GAS2: variants seen among roughly 807,000 people sequenced by gnomAD.
GAS2 encodes the protein growth arrest-specific protein 2.
GAS2 carries 20 observed loss-of-function variants against 37.5 expected under a neutral mutation model. The ratio of observed to expected loss-of-function variants is 0.53; its 90% CI spans 0.37 to 0.77. GAS2 has a LOEUF of 0.77. Among genes scored for constraint, GAS2 ranks in the 30% least tolerant of loss-of-function variants. The probability of loss-of-function intolerance (pLI) is 0.00; values close to 1 mark genes in which losing one functional copy is unlikely to be tolerated. For missense variants in GAS2, 336 were observed against 373.4 expected (o/e 0.90, Z 0.82); for synonymous variants, 144 against 132.2 (o/e 1.09, Z -0.61).
chr11:22,661,449 A>T (rs1213549711), intron 1 of GAS2, among the ~76,000 whole-genome samples: 2 of 152,220 alleles, frequency 1.3e-5, no homozygotes, highest in Non-Finnish European at 2.9e-5. Flanking sequence ...CAATTTGGTA[A>T]GTGAGATAGA....
intron 1 of GAS2, among the ~76,000 whole-genome samples, chr11:22,649,400 C>T (rs915852538): frequency 7.9e-5 from 12 of 151,546 alleles, no homozygotes; most frequent in African/African-American, 2.4e-4. Context: ...TGTCTCTGCC[C>T]GGCTTTGGTA....
chr11:22,719,978 A>T (rs1851871165), intron 3 of GAS2, among the ~76,000 whole-genome samples: 1 of 152,018 alleles, frequency 6.6e-6, no homozygotes, highest in East Asian at 1.9e-4. Flanking sequence ...CCATCTTGTA[A>T]GCCTGAGGTT....
chr11:22,637,085 A>C (rs1159049391), intron 1 of GAS2, among the ~76,000 whole-genome samples: 1 of 131,912 alleles, frequency 7.6e-6, no homozygotes, highest in Non-Finnish European at 1.5e-5. Context: ...TATTAATATA[A>C]TAAGTAATAT....
chr11:22,652,716 A>C (rs540317806), intron 1 of GAS2, among the ~76,000 whole-genome samples: 2 of 152,280 alleles, frequency 1.3e-5, no homozygotes, highest in East Asian at 1.9e-4. Flanking sequence ...TTCTTTGACT[A>C]GGAAAGGGAA....
intron 7 of GAS2, among the ~76,000 whole-genome samples, chr11:22,765,188 ATATG>A: frequency 6.6e-6 from 1 of 152,184 alleles, no homozygotes. Flanking sequence ...GTGTGTGTAT[ATATG>A]TATGTATATA....
At chr11:22,646,435 T>TA (rs1211860468) in intron 1 of GAS2, among the ~76,000 whole-genome samples, 1 of 152,220 alleles carries the variant, frequency 6.6e-6, no homozygotes, top group Non-Finnish European at 1.5e-5. Context: ...ACACCAAATC[T>TA]AGCACTTGAG....
At chr11:22,774,236 G>A (rs757798137) in intron 7 of GAS2, among the ~76,000 whole-genome samples, 2 of 151,996 alleles carry the variant, frequency 1.3e-5, no homozygotes, top group Non-Finnish European at 2.9e-5. Flanking sequence ...TCAGGTGATC[G>A]GCCCGCCTCA....
chr11:22,746,255 C>T (rs1853396265), intron 5 of GAS2, among the ~76,000 whole-genome samples: 1 of 152,148 alleles, frequency 6.6e-6, no homozygotes, highest in African/African-American at 2.4e-5. Flanking sequence ...AAGACTTATA[C>T]ACTGTTGGTG....
chr11:22,664,048 T>C (rs1848947606), upstream of GAS2, among the ~76,000 whole-genome samples: 1 of 152,222 alleles, frequency 6.6e-6, no homozygotes, highest in South Asian at 2.1e-4. Context: ...CTGCTTTCTG[T>C]ATCATTATTC....
intron 3 of GAS2, among the ~76,000 whole-genome samples, chr11:22,697,840 T>C (rs1405299033): frequency 1.3e-5 from 2 of 152,200 alleles, no homozygotes; most frequent in African/African-American, 4.8e-5. Flanking sequence ...TAAGGAGATT[T>C]TGGGCTGAGA....
chr11:22,648,683 G>T (rs1462595738), intron 1 of GAS2, among the ~76,000 whole-genome samples: 1 of 152,152 alleles, frequency 6.6e-6, no homozygotes, highest in Non-Finnish European at 1.5e-5. Context: ...TCTCTTTGAA[G>T]CAATTGTGAA....
At chr11:22,773,036 T>C (rs1373955774) in intron 7 of GAS2, among the ~76,000 whole-genome samples, 1 of 152,114 alleles carries the variant, frequency 6.6e-6, no homozygotes, top group Non-Finnish European at 1.5e-5. Context: ...CTCAGGAAGT[T>C]CCAGTAGAGT....
At chr11:22,795,005 A>G (rs988107698) in intron 7 of GAS2, among the ~76,000 whole-genome samples, 2 of 152,148 alleles carry the variant, frequency 1.3e-5, no homozygotes, top group Non-Finnish European at 2.9e-5. Flanking sequence ...TTCAACATCT[A>G]TTATGAAACA....
intron 1 of GAS2, among the ~76,000 whole-genome samples, chr11:22,644,273 C>G (rs763540568): frequency 7.2e-5 from 11 of 152,118 alleles, no homozygotes; most frequent in Non-Finnish European, 1.3e-4. Flanking sequence ...TGTCAAGGAG[C>G]ATTTTCCCCA....
intron 6 of GAS2, among the ~76,000 whole-genome samples, chr11:22,755,240 C>T (rs1853960966): frequency 6.6e-6 from 1 of 151,832 alleles, no homozygotes; most frequent in African/African-American, 2.4e-5. Context: ...AAAACATGGT[C>T]AAAGAAGTAG....
intron 7 of GAS2, among the ~76,000 whole-genome samples, chr11:22,779,695 G>A (rs759708548): frequency 6.3e-5 from 8 of 127,110 alleles, no homozygotes; most frequent in East Asian, 2.4e-4. Flanking sequence ...GTGAAACTCC[G>A]TGTCAAAAAA....
intron 7 of GAS2, among the ~76,000 whole-genome samples, chr11:22,782,579 A>G (rs188495600): frequency 6.6e-6 from 1 of 151,988 alleles, no homozygotes; most frequent in East Asian, 1.9e-4. Flanking sequence ...CCCCTCTAGT[A>G]GTCCCCAGTG....
intron 3 of GAS2, among the ~76,000 whole-genome samples, chr11:22,699,587 G>T (rs988635872): frequency 4.6e-5 from 7 of 152,122 alleles, no homozygotes; most frequent in Non-Finnish European, 1.0e-4. Flanking sequence ...AATAATTTCA[G>T]ACATTTTTAG....
intron 7 of GAS2, among the ~76,000 whole-genome samples, chr11:22,798,930 G>A (rs930327830): frequency 1.3e-5 from 2 of 152,018 alleles, no homozygotes; most frequent in African/African-American, 4.8e-5. Flanking sequence ...AATAATATTA[G>A]ACAATGACAG....
Sources: allele counts gnomAD v4.1 joint callset (sites outside exome capture counted in the v4.1 genomes callset), GRCh38; gene constraint gnomAD v4.1.1; transcripts MANE v1.5; gene names NCBI Gene and HGNC (gene_info 2026-07-23, HGNC 2026-07-21).